PHC2: variants seen among roughly 807,000 people sequenced by gnomAD.
PHC2 encodes the protein polyhomeotic-like protein 2.
Under a neutral mutation model 87.4 loss-of-function variants are expected in PHC2, and 29 were observed. The observed-to-expected ratio is 0.33, with a 90% CI of 0.25 to 0.45. The LOEUF is 0.45. PHC2 is among the 20% of genes least tolerant of loss of function. The pLI is 1.00. For missense variants in PHC2, 857 were observed against 1,136.7 expected, an observed-to-expected ratio of 0.75 and a Z score of 3.54; for synonymous variants, 438 against 461.7, an observed-to-expected ratio of 0.95 and a Z score of 0.66.
At position 33,331,313 on chromosome 1, in the gene PHC2, G is replaced by T; in HGVS notation, c.2006+35C>A. 2 of 1,183,394 alleles carry T rather than the reference G, an allele frequency of 1.7e-6. No homozygotes were observed. The highest frequency in any genetic ancestry group is 2.5e-6 in the Non-Finnish European group (2 of 791,936). The allele number at this position is 1,183,394 out of a possible 1,614,324, so 73.3% of individuals were successfully genotyped here. A position where few individuals can be genotyped will look rare whatever the true frequency, so the allele number is the denominator to read the frequency against. On this transcript the variant is annotated intron_variant, in intron 12 of 14. Transcript: ENST00000683057. The surrounding 1 kb of genome is among the most constrained non-coding windows in gnomAD (Gnocchi z 5.2). ...GGCAGGAGGTGGGACATAAAGTGCA[G>T]TCCTGGGGAAATGGAGGGGGCTGGG...
chr1:33,358,560 C>A (rs1647136375), intron 7 of PHC2, among the ~76,000 whole-genome samples: 1 of 152,156 alleles, frequency 6.6e-6, no homozygotes, highest in African/African-American at 2.4e-5. Context: ...GAAGGGTCTT[C>A]CTGATTCCAG....
intron 1 of PHC2, among the ~76,000 whole-genome samples, chr1:33,378,596 T>C (rs1557840621): frequency 1.3e-5 from 2 of 152,324 alleles, no homozygotes; most frequent in East Asian, 3.9e-4. Flanking sequence ...TGATCAAGTC[T>C]CAGTTCTATT....
intron 1 of PHC2, among the ~76,000 whole-genome samples, chr1:33,379,006 C>A (rs755520379): frequency 9.0e-4 from 137 of 151,972 alleles, no homozygotes; most frequent in Non-Finnish European, 1.6e-3. Context: ...ATTTCTATTT[C>A]TTTTTTCCTT....
chr1:33,334,389 T>G lies in PHC2; in HGVS notation c.1559-97A>C, dbSNP rs1328771294. On this transcript the variant is annotated intron_variant, in intron 9 of 14. Transcript: ENST00000683057. The surrounding 1 kb of genome is among the most constrained non-coding windows in gnomAD (Gnocchi z 5.5). ...AAGGACTCAAACTGCGCCCGGCTTTTACCGTGGGGCCAAGCGACAATGCAA... is the reference window on the plus strand; with the variant it reads ...AAGGACTCAAACTGCGCCCGGCTTTGACCGTGGGGCCAAGCGACAATGCAA... 6.4e-6 allele frequency: 7 copies of G among 1,095,652 alleles called. No homozygotes were observed. Among genetic ancestry groups the G allele is most frequent in the Non-Finnish European group, 9.4e-6 (7 of 745,192 alleles). The allele number at this position is 1,095,652 out of a possible 1,614,324, so 67.9% of individuals were successfully genotyped here.
At chr1:33,411,841 G>A (rs1031387259) in intron 1 of PHC2, among the ~76,000 whole-genome samples, 3 of 152,170 alleles carry the variant, frequency 2.0e-5, no homozygotes, top group African/African-American at 4.8e-5. Flanking sequence ...TTACAGGCAT[G>A]AGCCATTCGC....
intron 7 of PHC2, among the ~76,000 whole-genome samples, chr1:33,362,353 C>T (rs1198858218): frequency 6.6e-6 from 1 of 152,084 alleles, no homozygotes; most frequent in Non-Finnish European, 1.5e-5. Context: ...GGACAGTGCT[C>T]AGGAAACTGG....
rs117605196 is a variant in PHC2, at chr1:33,413,988, G to A, written c.-55+16988C>T. Among the ~76,000 whole-genome samples, 115 of 152,152 alleles carry A rather than the reference G, an allele frequency of 7.6e-4. 1 individual carries two copies. The East Asian group carries it at 0.019, about 25-fold the overall frequency. ...GCATGGCATTGTGAGAAACAGCATG[G>A]TATAATGGAAAAACTTGAACTCATC... On this transcript the variant is annotated intron_variant, in intron 1 of 14. Coordinates refer to ENST00000683057, the MANE Select transcript of PHC2 (RefSeq NM_001385109.1).
chr1:33,409,502 T>C (rs1038538378), intron 1 of PHC2, among the ~76,000 whole-genome samples: 2 of 152,212 alleles, frequency 1.3e-5, no homozygotes, highest in African/African-American at 4.8e-5. Flanking sequence ...AACAGGTTTT[T>C]TCTTGACTAT....
chr1:33,362,899 A>G (rs908957108), intron 7 of PHC2, among the ~76,000 whole-genome samples: 2 of 152,256 alleles, frequency 1.3e-5, no homozygotes, highest in African/African-American at 4.8e-5. Flanking sequence ...GTTGAGCTAC[A>G]TAATTAAAGG....
chr1:33,405,619 TTTG>T (rs1252611145), intron 1 of PHC2, among the ~76,000 whole-genome samples: 4 of 152,320 alleles, frequency 2.6e-5, no homozygotes, highest in African/African-American at 9.6e-5. Flanking sequence ...TCAGATTTAA[TTTG>T]TTGTTTTTTC....
In PHC2 at chr1:33,349,468, G is replaced by C; in HGVS notation, c.1558+4933C>G. The C allele has an allele frequency of 1.0e-6, 1 of 985,270 alleles. No homozygotes were observed. The highest frequency in any genetic ancestry group is 5.2e-4 in the Middle Eastern group (1 of 1,912). 61.0% of individuals were successfully genotyped at this position (985,270 alleles called of 1,614,324 possible). On this transcript the variant is annotated intron_variant, in intron 9 of 14. Coordinates refer to ENST00000683057, the MANE Select transcript of PHC2 (RefSeq NM_001385109.1). The surrounding 1 kb of genome is among the most constrained non-coding windows in gnomAD (Gnocchi z 4.2). ...CGCCGCGCGGACGAGAGCCGCGACT[G>C]GCACGGCCTGGCAGCCGCGTAGGCC...
intron 1 of PHC2, among the ~76,000 whole-genome samples, chr1:33,385,294 C>A (rs903022615): frequency 3.3e-5 from 5 of 152,108 alleles, no homozygotes; most frequent in Admixed American, 2.6e-4. Context: ...GAAAATGAAA[C>A]AACATAAATA....
intron 1 of PHC2, among the ~76,000 whole-genome samples, chr1:33,402,981 T>A (rs911122912): frequency 6.6e-6 from 1 of 150,928 alleles, no homozygotes; most frequent in African/African-American, 2.4e-5. Flanking sequence ...ACTTTTTAAA[T>A]TTTTTTTATT....
chr1:33,333,225 ATG>A (rs1646544374), intron 10 of PHC2: 1 of 152,254 alleles, frequency 6.6e-6, no homozygotes, highest in Non-Finnish European at 1.5e-5. Context: ...ACAAGAAGCT[ATG>A]TGTCTTTTGG....
At chr1:33,373,484 T>C (rs1240625016) in intron 2 of PHC2, among the ~76,000 whole-genome samples, 3 of 152,022 alleles carry the variant, frequency 2.0e-5, no homozygotes, top group Non-Finnish European at 2.9e-5. Flanking sequence ...CTGTCTCCCA[T>C]TCCCTGGCCT....
intron 1 of PHC2, among the ~76,000 whole-genome samples, chr1:33,398,037 C>T (rs1186799954): frequency 6.6e-6 from 1 of 152,138 alleles, no homozygotes; most frequent in African/African-American, 2.4e-5. Flanking sequence ...AGACAGATTG[C>T]AACTAAAAAC....
intron 1 of PHC2, among the ~76,000 whole-genome samples, chr1:33,422,122 A>G (rs893991317): frequency 2.0e-5 from 3 of 152,142 alleles, no homozygotes; most frequent in Non-Finnish European, 4.4e-5. Context: ...ATACAACCTC[A>G]CCTTTGCAGA....
In PHC2 at chr1:33,349,907, C is replaced by G. The variant is rs1174473962; in HGVS notation, c.1558+4494G>C. The G allele has an allele frequency of 6.2e-6, 6 of 971,808 alleles. No homozygotes were observed. Among genetic ancestry groups the G allele is most frequent in the Non-Finnish European group, 7.3e-6 (6 of 821,904 alleles). 60.2% of individuals were successfully genotyped at this position (971,808 alleles called of 1,614,324 possible). A position where few individuals can be genotyped will look rare whatever the true frequency, so the allele number is the denominator to read the frequency against. On this transcript the variant is annotated intron_variant, in intron 9 of 14. Transcript: ENST00000683057. The surrounding 1 kb of genome is among the most constrained non-coding windows in gnomAD (Gnocchi z 4.2). ...CCGCCGCGGAGACAATGCGGCGAGTCTGGGACGGCTCCCGCGGCCGCCTCC... is the reference window on the plus strand; with the variant it reads ...CCGCCGCGGAGACAATGCGGCGAGTGTGGGACGGCTCCCGCGGCCGCCTCC...
intron 14 of PHC2, chr1:33,325,252 C>G (rs991364585): frequency 6.0e-6 from 3 of 504,044 alleles, no homozygotes; most frequent in African/African-American, 3.9e-5. Context: ...CTGTTCAGAC[C>G]CCTGCTCCAT....
Sources: allele counts gnomAD v4.1 joint callset (sites outside exome capture counted in the v4.1 genomes callset), GRCh38; gene constraint gnomAD v4.1.1; non-coding constraint Gnocchi (gnomAD v3.1); transcripts MANE v1.5; gene names NCBI Gene and HGNC (gene_info 2026-07-23, HGNC 2026-07-21).